RASA2: variants seen among roughly 807,000 people sequenced by gnomAD.
The protein encoded by RASA2 is ras GTPase-activating protein 2.
In RASA2, 155 loss-of-function variants were observed where a neutral mutation model predicts 118.2. That is an observed-to-expected ratio of 1.31 (90% CI 1.15 to 1.50). The LOEUF (loss-of-function observed/expected upper bound fraction) is 1.50. Ranked by LOEUF, RASA2 falls within the 40% of genes most tolerant of loss-of-function variation. The probability of loss-of-function intolerance (pLI) is 0.00; values close to 1 mark genes in which losing one functional copy is unlikely to be tolerated. For synonymous variants in RASA2, 353 were observed against 349.1 expected (o/e 1.01, Z -0.12); for missense variants, 1,016 against 1,009.6 (o/e 1.01, Z -0.09).
intron 15 of RASA2, among the ~76,000 whole-genome samples, chr3:141,579,039 G>A (rs751021212): frequency 3.3e-5 from 5 of 151,958 alleles, no homozygotes; most frequent in African/African-American, 4.8e-5. Context: ...ATCATATTTC[G>A]GATATTCCTT....
rs568552605 is a variant in RASA2, at chr3:141,537,772, G to GA, written c.451-2752dup. ...TGACAGAGCTAGACTCTGTCTCAAA[G>GA]AAAAAAAAAGCAATTTTAAATTCTG... On this transcript the variant is annotated intron_variant, in intron 4 of 23. Coordinates refer to ENST00000286364, the MANE Select transcript of RASA2 (RefSeq NM_006506.5). 7.3e-5 allele frequency among the ~76,000 whole-genome samples: 11 copies of GA among 150,644 alleles called. No individual in the cohort carries two copies. In the South Asian group the frequency reaches 1.3e-3, roughly 17 times the overall value.
intron 19 of RASA2, among the ~76,000 whole-genome samples, chr3:141,604,919 T>G (rs1004575950): frequency 1.3e-5 from 2 of 151,814 alleles, no homozygotes; most frequent in African/African-American, 4.8e-5. Context: ...AATATACATA[T>G]ATTAAATAAA....
At chr3:141,499,061 T>C (rs926976350) in intron 1 of RASA2, among the ~76,000 whole-genome samples, 1 of 152,228 alleles carries the variant, frequency 6.6e-6, no homozygotes, top group Non-Finnish European at 1.5e-5. Context: ...GGCAATACCT[T>C]GTGAAACTTG....
At chr3:141,522,323 G>A (rs1402831667) in intron 3 of RASA2, among the ~76,000 whole-genome samples, 1 of 152,140 alleles carries the variant, frequency 6.6e-6, no homozygotes, top group Non-Finnish European at 1.5e-5. Flanking sequence ...GCTGCTGAGA[G>A]AAAGGCAGGA....
intron 17 of RASA2, among the ~76,000 whole-genome samples, chr3:141,581,904 C>G (rs1398612165): frequency 6.6e-6 from 1 of 152,000 alleles, no homozygotes; most frequent in African/African-American, 2.4e-5. Context: ...CCTGAATCAT[C>G]TAAACAAAAT....
At chr3:141,555,762 T>C in intron 6 of RASA2, 78 bp from the exon 7 acceptor site, 3 of 1,232,254 alleles carry the variant, frequency 2.4e-6, no homozygotes, top group Non-Finnish European at 3.4e-6. Flanking sequence ...GAGGTCAGGC[T>C]CCCTGGTTGG....
intron 13 of RASA2, 70 bp downstream of exon 13, chr3:141,573,291 C>T (rs1577764099): frequency 6.9e-7 from 1 of 1,446,940 alleles, no homozygotes; most frequent in South Asian, 1.4e-5. Context: ...CTCCCACTTA[C>T]ATTATGATAA....
chr3:141,595,064 G>A (rs756281497), intron 19 of RASA2, among the ~76,000 whole-genome samples: 3 of 152,124 alleles, frequency 2.0e-5, no homozygotes, highest in Non-Finnish European at 4.4e-5. Context: ...TAAGTAGACT[G>A]TGATGAGTTA....
In RASA2 at chr3:141,516,330, C is replaced by G; in HGVS notation, c.254C>G (p.Pro85Arg). 1 of 1,547,044 alleles carries G rather than the reference C, an allele frequency of 6.5e-7. No homozygotes were observed. The highest frequency in any genetic ancestry group is 8.7e-7 in the Non-Finnish European group (1 of 1,149,406). The change falls in exon 3 of 24, where the codon CCA (proline) becomes CGA (arginine). Residue 85 changes from proline (P) to arginine (R), a missense_variant and splice_region_variant. Physicochemically the swap from Pro to Arg is moderately radical, Grantham distance 103. Transcript: ENST00000286364. ...ATGAGCTTTCCTTTTCTTTCTAGCCCATTTTTCAGTGAAGAATTTTACTTT... is the reference window on the plus strand; with the variant it reads ...ATGAGCTTTCCTTTTCTTTCTAGCCGATTTTTCAGTGAAGAATTTTACTTT... ...RTQVVEKSLS[P>R]FFSEEFYFEI...
intron 17 of RASA2, among the ~76,000 whole-genome samples, chr3:141,583,527 A>G (rs2083149672): frequency 6.6e-6 from 1 of 152,192 alleles, no homozygotes; most frequent in South Asian, 2.1e-4. Context: ...CTCAGACTCC[A>G]TTAGTGCATG....
chr3:141,533,462 AG>A (rs369014081), intron 4 of RASA2, among the ~76,000 whole-genome samples: 10 of 152,334 alleles, frequency 6.6e-5, no homozygotes, highest in African/African-American at 2.4e-4. Flanking sequence ...GTCAGCGCAA[AG>A]GGTTCCCTTA....
At chr3:141,564,473 A>G (rs1488860485) in intron 9 of RASA2, among the ~76,000 whole-genome samples, 2 of 152,158 alleles carry the variant, frequency 1.3e-5, no homozygotes, top group Non-Finnish European at 2.9e-5. Flanking sequence ...ATTCATCTAG[A>G]GTAATAAAAA....
At position 141,498,657 on chromosome 3, in the gene RASA2, GA is replaced by G. The variant is rs1010750033; in HGVS notation, c.133+11442del. Among the ~76,000 whole-genome samples, 6 of 151,884 alleles carry G rather than the reference GA, an allele frequency of 4.0e-5. No individual in the cohort carries two copies. The South Asian group carries it at 1.0e-3, about 26-fold the overall frequency. ...TGTGTCTAGGTGTCTTTTTTTTGTGGAGGGGGGGCGAAGATCAATATGAATC... is the reference window on the plus strand; with the variant it reads ...TGTGTCTAGGTGTCTTTTTTTTGTGGGGGGGGGCGAAGATCAATATGAATC... On this transcript the variant is annotated intron_variant, in intron 1 of 23. Transcript: ENST00000286364.
At chr3:141,580,085 AATATATATATATATATATAT>A (rs1207351331) in intron 15 of RASA2, among the ~76,000 whole-genome samples, 2 of 59,618 alleles carry the variant, frequency 3.4e-5, no homozygotes, top group Non-Finnish European at 5.9e-5. Context: ...AAAAAAAAAA[AATATATATATATATATATAT>A]ATATATATAT....
At chr3:141,490,079 T>C (rs1477676362) in intron 1 of RASA2, among the ~76,000 whole-genome samples, 1 of 151,828 alleles carries the variant, frequency 6.6e-6, no homozygotes, top group Admixed American at 6.6e-5. Flanking sequence ...GATCCATCTA[T>C]AAGACAAAAT....
chr3:141,495,556 A>T (rs560834166), intron 1 of RASA2, among the ~76,000 whole-genome samples: 6 of 152,368 alleles, frequency 3.9e-5, no homozygotes, highest in African/African-American at 1.2e-4. Flanking sequence ...CAAAAAAAGG[A>T]AAGTTTATCT....
chr3:141,610,297 G>A (rs1464671008), intron 23 of RASA2, among the ~76,000 whole-genome samples: 5 of 139,938 alleles, frequency 3.6e-5, no homozygotes, highest in African/African-American at 1.3e-4. Flanking sequence ...TCATATATAT[G>A]TATATGAAAT....
intron 19 of RASA2, among the ~76,000 whole-genome samples, chr3:141,604,777 G>T: frequency 8.7e-6 from 1 of 114,534 alleles, no homozygotes; most frequent in East Asian, 3.2e-4. Context: ...GAGGGGGGAG[G>T]GATGGCATTA....
chr3:141,580,421 G>A lies in RASA2; in HGVS notation c.1644G>A (p.Leu548=). The part of the protein sequence containing the change: ...LTLISKTIQT[L]GSWGSLSKSK... The stretch of plus-strand genomic sequence containing the variant: ...TCATCTCAAAAACTATACAAACTTT[G>A]GGAAGCTGGGGGAGTCTGTCCAAAA... Residue 548 remains leucine, a synonymous_variant, in exon 16 of 24, where the codon TTG becomes TTA. Coordinates refer to ENST00000286364, the MANE Select transcript of RASA2 (RefSeq NM_006506.5). The A allele has an allele frequency of 6.2e-7, 1 of 1,608,082 alleles. No individual in the cohort carries two copies. Among genetic ancestry groups the A allele is most frequent in the Non-Finnish European group, 8.5e-7 (1 of 1,175,856 alleles).
Sources: allele counts gnomAD v4.1 joint callset (sites outside exome capture counted in the v4.1 genomes callset), GRCh38; gene constraint gnomAD v4.1.1; transcripts MANE v1.5; gene names NCBI Gene and HGNC (gene_info 2026-07-23, HGNC 2026-07-21).